FBXW5: variants seen among roughly 807,000 people sequenced by gnomAD.
FBXW5 encodes F-box/WD repeat-containing protein 5.
FBXW5 carries 74 observed loss-of-function variants against 50.9 expected under a neutral mutation model. The ratio of observed to expected loss-of-function variants is 1.45; its 90% CI spans 1.20 to 1.76. The LOEUF is 1.76. Ranked by LOEUF, FBXW5 falls within the 40% of genes most tolerant of loss-of-function variation. FBXW5 has a pLI of 0.00. For missense variants in FBXW5, 1,073 were observed against 818.8 expected (o/e 1.31, Z -3.79); for synonymous variants, 523 against 362.2 (o/e 1.44, Z -5.04).
Position 136,942,839 on chromosome 9 carries a change from T to A in FBXW5, c.456A>T (p.Leu152=). 6.2e-7 allele frequency: 1 copy of A among 1,613,364 alleles called. No individual in the cohort carries two copies. The highest frequency in any genetic ancestry group is 2.2e-5 in the East Asian group (1 of 44,872). Residue 152 remains leucine, a synonymous_variant, in exon 4 of 9, where the codon CTA becomes CTT. Coordinates refer to ENST00000325285, the MANE Select transcript of FBXW5 (RefSeq NM_018998.4). ...QFSQFNKDDS[L]LLASGVFLGP... ...CCAGGAACACCCCCGAGGCCAGCAG[T>A]AGCGAGTCGTCCTTGTTGAACTGGG...
At chr9:136,941,838 C>A in intron 6 of FBXW5, 154 bp from the exon 7 acceptor site, 1 of 1,436,762 alleles carries the variant, frequency 7.0e-7, no homozygotes, top group Non-Finnish European at 9.1e-7. Flanking sequence ...GAATCAGGCC[C>A]GTCGGTTGCT....
At chr9:136,944,208 G>C (rs13283784) in intron 1 of FBXW5, 102 bp from the exon 2 acceptor site, 4 of 1,283,174 alleles carry the variant, frequency 3.1e-6, no homozygotes, top group Non-Finnish European at 3.1e-6. Flanking sequence ...GGAGTTCCAC[G>C]GGGCTGCGTG....
At chr9:136,943,061 G>A (rs1850859729) in intron 3 of FBXW5, 118 bp from the exon 4 acceptor site, 10 of 1,501,158 alleles carry the variant, frequency 6.7e-6, no homozygotes, top group Non-Finnish European at 8.2e-6. Context: ...CCAGGGAGCA[G>A]GGACCCCTTC....
At position 136,941,354 on chromosome 9, in the gene FBXW5, T is replaced by G; in HGVS notation, c.1354A>C (p.Thr452Pro). 1 of 1,611,680 alleles carries G rather than the reference T, an allele frequency of 6.2e-7. No homozygotes were observed. The highest frequency in any genetic ancestry group is 8.5e-7 in the Non-Finnish European group (1 of 1,179,888). The change falls in exon 8 of 9, where the codon ACC (threonine) becomes CCC (proline). Residue 452 changes from threonine to proline, a missense_variant. Coordinates refer to ENST00000325285, the MANE Select transcript of FBXW5 (RefSeq NM_018998.4). ...EIDLLVFDLK[T>P]MREVRRALRA... ...AGAGCCCGCCTCACCTCCCGCATGGTCTTGAGGTCGAACACCAGCAGGTCA... is the reference window on the plus strand; with the variant it reads ...AGAGCCCGCCTCACCTCCCGCATGGGCTTGAGGTCGAACACCAGCAGGTCA...
intron 1 of FBXW5, 108 bp from the exon 2 acceptor site, chr9:136,944,214 G>A (rs1395434146): frequency 5.5e-6 from 7 of 1,265,212 alleles, no homozygotes; most frequent in African/African-American, 1.5e-5. Flanking sequence ...CCACGGGGCT[G>A]CGTGTCTGCA....
chr9:136,941,279 G>A lies in FBXW5; in HGVS notation c.1429C>T (p.Leu477=), dbSNP rs780321428. 3.1e-6 allele frequency: 5 copies of A among 1,607,424 alleles called. No homozygotes were observed. Among genetic ancestry groups the A allele is most frequent in the Non-Finnish European group, 3.4e-6 (4 of 1,179,752 alleles). ...GCCACGAAGTCCCTGCTGACGTCCA[G>A]GAAGATGAAGAAGCACTCGTCGTTG... ...TPNDECFFIF[L]DVSRDFVASG... is the part of the protein sequence containing the mutation. Residue 477 remains leucine, a synonymous_variant, in exon 8 of 9, where the codon CTG becomes TTG. Transcript: ENST00000325285.
rs373598007 is a variant in FBXW5, at chr9:136,943,389, C to T, written c.311G>A (p.Gly104Glu). Reference protein sequence around the residue: ...QVLHLSFSHSGYQFASCSKDC... With the variant: ...QVLHLSFSHSEYQFASCSKDC... ...CTTGGAGCAGGACGCGAACTGGTAC[C>T]CGGAATGGGAGAAGCTGAGGTGCAG... Residue 104 changes from glycine (G) to glutamate (E), a missense_variant, in exon 3 of 9, where the codon GGG becomes GAG. Transcript: ENST00000325285. 1.3e-4 allele frequency: 203 copies of T among 1,612,774 alleles called. No individual in the cohort carries two copies. The highest frequency in any genetic ancestry group is 2.4e-5 in the Non-Finnish European group (28 of 1,179,960).
Position 136,943,961 on chromosome 9 carries a change from C to CCG in FBXW5, c.121_122dup (p.Asp42GlyfsTer76), listed in dbSNP as rs1426987191. The CCG allele has an allele frequency of 7.0e-6, 11 of 1,564,458 alleles. No individual in the cohort carries two copies. The highest frequency in any genetic ancestry group is 8.7e-6 in the Non-Finnish European group (10 of 1,155,860). On this transcript the variant is annotated frameshift_variant, in exon 2 of 9. Coordinates refer to ENST00000325285, the MANE Select transcript of FBXW5 (RefSeq NM_018998.4). LOFTEE classifies it high-confidence loss of function. ...ACTGCTCCCTCCACAGGAACTCGTC[C>CCG]CGCGACACGGCCTGCCATTGGCGGC...
At chr9:136,943,529 C>G (rs774699686) in intron 2 of FBXW5, 23 bp from the exon 3 acceptor site, 3 of 1,598,860 alleles carry the variant, frequency 1.9e-6, no homozygotes, top group Admixed American at 1.7e-5. Context: ...AGTTGTCAGT[C>G]CTGGGCCCGG....
chr9:136,944,241 C>T, intron 1 of FBXW5, 135 bp from the exon 2 acceptor site: 2 of 998,374 alleles, frequency 2.0e-6, no homozygotes, highest in Non-Finnish European at 1.4e-6. Context: ...GCCCGGGTAC[C>T]GCCGCCCAAC....
rs1174942378 is a variant in FBXW5, at chr9:136,944,648, T to TCCGCTG, written c.-84_-79dup. On this transcript the variant is annotated 5_prime_UTR_variant, in exon 1 of 9. Coordinates refer to ENST00000325285, the MANE Select transcript of FBXW5 (RefSeq NM_018998.4). ...CCGCCCTGCGCGACCCGGACCCGCT[T>TCCGCTG]CCGCTGCCGCAGCCGCTCGGACCGC... 10 of 978,756 alleles carry TCCGCTG rather than the reference T, an allele frequency of 1.0e-5. No homozygotes were observed. The highest frequency in any genetic ancestry group is 4.6e-5 in the South Asian group (1 of 21,970). 60.6% of individuals were successfully genotyped at this position (978,756 alleles called of 1,614,324 possible).
In FBXW5 at chr9:136,941,170, C is replaced by T. The variant is rs756947005; in HGVS notation, c.1459G>A (p.Gly487Arg). 1.1e-5 allele frequency: 18 copies of T among 1,601,434 alleles called. No individual in the cohort carries two copies. The highest frequency in any genetic ancestry group is 6.7e-5 in the East Asian group (3 of 44,552). ...LDVSRDFVASGAEDRHGYIWD... is the reference protein window; with the variant it reads ...LDVSRDFVASRAEDRHGYIWD... ...ATGTAGCCGTGCCGGTCCTCCGCCC[C>T]GCTGCAGAACAGCGCCTGGGTGAGC... The change falls in exon 9 of 9, where the codon GGG (glycine) becomes AGG (arginine). Residue 487 changes from glycine to arginine, a missense_variant and splice_region_variant. Gly to Arg is a moderately radical substitution (Grantham distance 125). Transcript: ENST00000325285.
Position 136,941,355 on chromosome 9 carries a change from C to T in FBXW5, c.1353G>A (p.Lys451=), listed in dbSNP as rs376136024. The stretch of plus-strand genomic sequence containing the variant: ...GAGCCCGCCTCACCTCCCGCATGGT[C>T]TTGAGGTCGAACACCAGCAGGTCAA... ...EEIDLLVFDL[K]TMREVRRALR... The change falls in exon 8 of 9, where the codon AAG becomes AAA. Residue 451 remains lysine, a synonymous_variant. Transcript: ENST00000325285. 697 of 1,611,614 alleles carry T rather than the reference C, an allele frequency of 4.3e-4. No homozygotes were observed. Among genetic ancestry groups the T allele is most frequent in the Non-Finnish European group, 4.9e-4 (573 of 1,179,898 alleles).
intron 3 of FBXW5, 103 bp downstream of exon 3, chr9:136,943,246 C>T: frequency 1.1e-6 from 1 of 891,880 alleles, no homozygotes; most frequent in Non-Finnish European, 1.6e-6. Flanking sequence ...CTGGCCTGAC[C>T]CACCCCCCCC....
At position 136,941,555 on chromosome 9, in the gene FBXW5, C is replaced by G; in HGVS notation, c.1226G>C (p.Gly409Ala). ...IDIHGHIIGM[G>A]LSPDNRYLYV... is the part of the protein sequence containing the mutation. ...GGCCCACCTGTTGTCGGGCGACAGG[C>G]CCATGCCGATGATGTGTCCGTGTAT... The change falls in exon 7 of 9, where the codon GGC (glycine) becomes GCC (alanine). Residue 409 changes from glycine to alanine, a missense_variant. Physicochemically the swap from Gly to Ala is moderately conservative, Grantham distance 60. Transcript: ENST00000325285. 1 of 1,611,106 alleles carries G rather than the reference C, an allele frequency of 6.2e-7. No homozygotes were observed. Among genetic ancestry groups the G allele is most frequent in the Non-Finnish European group, 8.5e-7 (1 of 1,179,706 alleles).
intron 6 of FBXW5, 42 bp downstream of exon 6, chr9:136,942,004 G>A (rs749780400): frequency 9.6e-6 from 15 of 1,556,836 alleles, no homozygotes; most frequent in Non-Finnish European, 1.3e-5. Flanking sequence ...CCTCCCCCAA[G>A]CTCCTAGGAC....
Position 136,943,447 on chromosome 9 carries a change from C to G in FBXW5, c.253G>C (p.Val85Leu). The G allele has an allele frequency of 6.2e-7, 1 of 1,612,800 alleles. No homozygotes were observed. The highest frequency in any genetic ancestry group is 8.5e-7 in the Non-Finnish European group (1 of 1,179,932). ...RLYDTVPCVE[V>L]QTLREHTDQV... is the part of the protein sequence containing the mutation. The stretch of plus-strand genomic sequence containing the variant: ...TCTGTGTGTTCCCGCAGCGTCTGCA[C>G]CTCCACGCAGGGCACCGTGTCATAC... The change falls in exon 3 of 9, where the codon GTG becomes CTG. Residue 85 changes from valine (V) to leucine (L), a missense_variant. By Grantham distance (32) the Val-to-Leu change is conservative. Transcript: ENST00000325285.
Position 136,943,944 on chromosome 9 carries a change from C to G in FBXW5, c.140G>C (p.Arg47Thr), listed in dbSNP as rs772635750. ...CTGGTAGTAGCGGTAGAACTGCTCCCTCCACAGGAACTCGTCCCGCGACAC... is the reference window on the plus strand; with the variant it reads ...CTGGTAGTAGCGGTAGAACTGCTCCGTCCACAGGAACTCGTCCCGCGACAC... ...QAVSRDEFLW[R>T]EQFYRYYQVA... is the part of the protein sequence containing the mutation. The change falls in exon 2 of 9, where the codon AGG (arginine) becomes ACG (threonine). Residue 47 changes from arginine (R) to threonine (T), a missense_variant. Physicochemically the swap from Arg to Thr is moderately conservative, Grantham distance 71 (BLOSUM62 -1). Transcript: ENST00000325285. The G allele has an allele frequency of 3.9e-6, 6 of 1,555,638 alleles. No homozygotes were observed. In the African/African-American group the frequency reaches 6.8e-5, roughly 18 times the overall value.
In FBXW5 at chr9:136,943,332, C is replaced by T. The variant is rs1186595298; in HGVS notation, c.351+17G>A. ...GCAGAGCTGGGTGGGGTGTGCAGGA[C>T]ACCTGGCCGTCCTCACCTTCACAGT... On this transcript the variant is annotated intron_variant, in intron 3 of 8. Transcript: ENST00000325285. 2 of 1,585,554 alleles carry T rather than the reference C, an allele frequency of 1.3e-6. No individual in the cohort carries two copies. The highest frequency in any genetic ancestry group is 1.3e-5 in the African/African-American group (1 of 74,158).
Sources: allele counts gnomAD v4.1 joint callset, GRCh38; gene constraint gnomAD v4.1.1; transcripts MANE v1.5; gene names NCBI Gene and HGNC (gene_info 2026-07-23, HGNC 2026-07-21).